Variants in OPRD1 observed in about 807,000 individuals in gnomAD.
OPRD1 encodes the protein delta-type opioid receptor.
In OPRD1, 19 loss-of-function variants were observed where a neutral mutation model predicts 17.5. That is an observed-to-expected ratio of 1.09 (90% confidence interval 0.76 to 1.60). The LOEUF (loss-of-function observed/expected upper bound fraction) is 1.60. OPRD1 is among the 40% of genes most tolerant of loss of function. The probability of loss-of-function intolerance (pLI) is 0.00; values close to 1 mark genes in which losing one functional copy is unlikely to be tolerated. For missense variants in OPRD1, 483 were observed against 547.2 expected (o/e 0.88, Z 1.17); for synonymous variants, 256 against 240.9 (o/e 1.06, Z -0.58).
intron 1 of OPRD1, among the ~76,000 whole-genome samples, chr1:28,824,972 C>A (rs1051637672): frequency 2.6e-5 from 4 of 151,992 alleles, no homozygotes; most frequent in Non-Finnish European, 5.9e-5. Context: ...GCTGGGACTA[C>A]AGGTGCCCAC....
intron 1 of OPRD1, among the ~76,000 whole-genome samples, chr1:28,828,714 G>T (rs1331991121): frequency 1.4e-5 from 2 of 145,078 alleles, no homozygotes; most frequent in Non-Finnish European, 3.0e-5. Flanking sequence ...AAAAAGCCAG[G>T]CGCAGTGGTT....
rs1187289956 is a variant in OPRD1 at position 28,870,237 on chromosome 1, T to C, written c.*6954T>C. ...GCCTGCACCAACCCATGCTTCTTTT[T>C]TTTTTTCTTTCTTTCTTTCTTTTTT... On this transcript the variant is annotated 3_prime_UTR_variant, in exon 3 of 3. Transcript: ENST00000234961. 6.6e-6 allele frequency: 1 copy of C among 151,926 alleles called. No homozygotes were observed. The highest frequency in any genetic ancestry group is 1.5e-5 in the Non-Finnish European group (1 of 68,010). The allele number at this position is 151,926 out of a possible 1,614,324, so 9.4% of individuals were successfully genotyped here.
intron 1 of OPRD1, among the ~76,000 whole-genome samples, chr1:28,845,743 G>A (rs1345147467): frequency 6.6e-6 from 1 of 151,988 alleles, no homozygotes; most frequent in Admixed American, 6.6e-5. Context: ...GTTAATTTTT[G>A]TATATGGTGT....
chr1:28,836,584 T>C lies in OPRD1; in HGVS notation c.228-22370T>C, dbSNP rs1160579350. 5.3e-5 allele frequency among the ~76,000 whole-genome samples: 8 copies of C among 152,172 alleles called. No individual in the cohort carries two copies. In the East Asian group the frequency reaches 1.5e-3, roughly 29 times the overall value. On this transcript the variant is annotated intron_variant, in intron 1 of 2. Transcript: ENST00000234961. ...TGAAATCAAGGTGTTGGCTGGGCTG[T>C]GCTCCCTCCGAAGGCTCCGTGGAAG...
chr1:28,814,931 C>T (rs1228126653), intron 1 of OPRD1, among the ~76,000 whole-genome samples: 2 of 152,114 alleles, frequency 1.3e-5, no homozygotes, highest in African/African-American at 4.8e-5. Flanking sequence ...CCGCATCCTG[C>T]AGATAAAATG....
At chr1:28,846,995 T>A (rs1468430420) in intron 1 of OPRD1, among the ~76,000 whole-genome samples, 2 of 150,448 alleles carry the variant, frequency 1.3e-5, no homozygotes, top group African/African-American at 4.9e-5. Context: ...TTTACTTTCT[T>A]CCTTTCCCTT....
At chr1:28,815,223 C>T (rs911469636) in intron 1 of OPRD1, among the ~76,000 whole-genome samples, 2 of 152,176 alleles carry the variant, frequency 1.3e-5, no homozygotes, top group African/African-American at 4.8e-5. Context: ...ATGCGATCCT[C>T]CCACCTCAGG....
intron 1 of OPRD1, among the ~76,000 whole-genome samples, chr1:28,826,708 G>C (rs998881891): frequency 4.6e-5 from 7 of 152,154 alleles, no homozygotes; most frequent in Non-Finnish European, 5.9e-5. Flanking sequence ...ATTGATGGCT[G>C]CTGGTTGGGG....
intron 1 of OPRD1, among the ~76,000 whole-genome samples, chr1:28,851,768 G>A (rs2089005716): frequency 6.6e-6 from 1 of 151,924 alleles, no homozygotes; most frequent in Non-Finnish European, 1.5e-5. Flanking sequence ...CTACTCGGGA[G>A]GCTGAGGCGG....
At chr1:28,849,508 G>GCA (rs958800106) in intron 1 of OPRD1, among the ~76,000 whole-genome samples, 2 of 151,266 alleles carry the variant, frequency 1.3e-5, no homozygotes, top group Non-Finnish European at 3.0e-5. Flanking sequence ...ACACACACAT[G>GCA]CACACACACA....
chr1:28,820,671 T>G (rs1167585105), intron 1 of OPRD1, among the ~76,000 whole-genome samples: 3 of 151,844 alleles, frequency 2.0e-5, no homozygotes, highest in Non-Finnish European at 4.4e-5. Flanking sequence ...ACAAAAAAAT[T>G]AAAAAGTTAG....
intron 1 of OPRD1, among the ~76,000 whole-genome samples, chr1:28,827,271 G>A (rs1318321389): frequency 6.6e-6 from 1 of 152,192 alleles, no homozygotes; most frequent in Non-Finnish European, 1.5e-5. Flanking sequence ...ACTCCAGCCT[G>A]GGTGACAGAG....
At chr1:28,859,694 G>C (rs769853682) in intron 2 of OPRD1, among the ~76,000 whole-genome samples, 3 of 152,202 alleles carry the variant, frequency 2.0e-5, no homozygotes, top group Non-Finnish European at 4.4e-5. Context: ...AGTGAGGTGA[G>C]GGTGTCACTG....
At chr1:28,861,338 A>G (rs911188896) in intron 2 of OPRD1, among the ~76,000 whole-genome samples, 1 of 152,136 alleles carries the variant, frequency 6.6e-6, no homozygotes, top group Non-Finnish European at 1.5e-5. Flanking sequence ...CCCACACTCC[A>G]GGAATGGGGA....
chr1:28,813,675 TG>T (rs1422103101), intron 1 of OPRD1, among the ~76,000 whole-genome samples: 1 of 152,196 alleles, frequency 6.6e-6, no homozygotes, highest in East Asian at 1.9e-4. Context: ...ACAACAAAGA[TG>T]CCCTCGTATT....
intron 1 of OPRD1, among the ~76,000 whole-genome samples, chr1:28,841,105 C>T (rs1260945410): frequency 6.6e-6 from 1 of 152,212 alleles, no homozygotes; most frequent in Non-Finnish European, 1.5e-5. Context: ...CTGGCTGCTG[C>T]CCCCTTGGGA....
chr1:28,819,246 A>C (rs553810890), intron 1 of OPRD1, among the ~76,000 whole-genome samples: 1 of 152,090 alleles, frequency 6.6e-6, no homozygotes, highest in South Asian at 2.1e-4. Context: ...AGAGGCTAAG[A>C]TGTTGATCAG....
At chr1:28,833,794 A>G (rs1302938231) in intron 1 of OPRD1, among the ~76,000 whole-genome samples, 1 of 152,166 alleles carries the variant, frequency 6.6e-6, no homozygotes, top group African/African-American at 2.4e-5. Context: ...CAGTCCCCTC[A>G]TCTACCAAAT....
At chr1:28,823,686 G>A (rs1332415179) in intron 1 of OPRD1, among the ~76,000 whole-genome samples, 3 of 151,874 alleles carry the variant, frequency 2.0e-5, no homozygotes, top group African/African-American at 7.3e-5. Flanking sequence ...GAGCCACTGT[G>A]CCTGGCCAAT....
Sources: gnomAD v4.1 joint callset for allele counts (sites outside exome capture counted in the v4.1 genomes callset) on GRCh38, gnomAD v4.1.1 for gene constraint, MANE v1.5 for transcripts, NCBI Gene and HGNC (gene_info 2026-07-23, HGNC 2026-07-21) for gene names.